The following PDCD1 variants were observed in gnomAD, a reference collection of about 807,000 sequenced individuals.
The protein encoded by PDCD1 is programmed cell death protein 1.
In PDCD1, 10 loss-of-function variants were observed where a neutral mutation model predicts 23.6. The observed-to-expected ratio is 0.42, with a 90% CI of 0.26 to 0.72. The LOEUF (loss-of-function observed/expected upper bound fraction) is 0.72. PDCD1 is among the 30% of genes least tolerant of loss of function. The pLI, the probability that PDCD1 is intolerant of heterozygous loss-of-function variation, is 0.24. For synonymous variants in PDCD1, 168 were observed against 169.3 expected, an observed-to-expected ratio of 0.99 and a Z score of 0.06; for missense variants, 313 against 397.8, an observed-to-expected ratio of 0.79 and a Z score of 1.81.
In PDCD1 at chr2:241,853,848, C is replaced by T. The variant is rs974176596; in HGVS notation, c.77-868G>A. ...ATGCCACAGGGTTCCCCAAACATGG[C>T]GCCAGCCCCACACTGTCAGACCCAG... On this transcript the variant is annotated intron_variant, in intron 1 of 4. Coordinates refer to ENST00000334409, the MANE Select transcript of PDCD1 (RefSeq NM_005018.3). Among the ~76,000 whole-genome samples the T allele has an allele frequency of 3.3e-5, 5 of 152,368 alleles. No individual in the cohort carries two copies. The East Asian group carries it at 5.8e-4, about 18-fold the overall frequency.
chr2:241,852,924 T>C lies in PDCD1; in HGVS notation c.133A>G (p.Thr45Ala), dbSNP rs2124861435. 1.3e-6 allele frequency: 2 copies of C among 1,590,406 alleles called. No homozygotes were observed. Among genetic ancestry groups the C allele is most frequent in the African/African-American group, 1.3e-5 (1 of 74,804 alleles). Residue 45 changes from threonine (T) to alanine (A), a missense_variant, in exon 2 of 5, where the codon ACC (threonine) becomes GCC (alanine). Physicochemically the swap from Thr to Ala is moderately conservative, Grantham distance 58. Around this residue, in one of 3 missense-constraint regions of PDCD1, gnomAD observed 135 missense variants for 166.9 expected, o/e 0.81. Coordinates refer to ENST00000334409, the MANE Select transcript of PDCD1 (RefSeq NM_005018.3). ...GTGAAGGTGGCGTTGTCCCCTTCGG[T>C]CACCACGAGCAGGGCTGGGGAGAAG... Reference protein sequence around the residue: ...PTFSPALLVVTEGDNATFTCS... With the variant: ...PTFSPALLVVAEGDNATFTCS...
chr2:241,852,241 C>T lies in PDCD1; in HGVS notation c.549G>A (p.Leu183=), dbSNP rs1700919369. Residue 183 remains leucine, a synonymous_variant, in exon 3 of 5, where the codon CTG becomes CTA. Coordinates refer to ENST00000334409, the MANE Select transcript of PDCD1 (RefSeq NM_005018.3). ...VVGGLLGSLV[L]LVWVLAVICS... ...AGATGACGGCCAGGACCCAGACTAG[C>T]AGCACCAGGCTGCCCAGCAGGCCGC... The T allele has an allele frequency of 6.2e-7, 1 of 1,611,044 alleles. No individual in the cohort carries two copies. The highest frequency in any genetic ancestry group is 1.3e-5 in the African/African-American group (1 of 74,862).
intron 4 of PDCD1, 104 bp from the exon 5 acceptor site, chr2:241,851,401 C>G: frequency 8.3e-7 from 1 of 1,203,706 alleles, no homozygotes; most frequent in Non-Finnish European, 1.2e-6. Flanking sequence ...CCTGGGCCCC[C>G]CACTATGAGC....
rs1430919257 is a variant in PDCD1, at chr2:241,851,271, C to T, written c.654G>A (p.Val218=). The T allele has an allele frequency of 1.2e-6, 2 of 1,613,204 alleles. No individual in the cohort carries two copies. Among genetic ancestry groups the T allele is most frequent in the Admixed American group, 3.3e-5 (2 of 59,980 alleles). The change falls in exon 5 of 5, where the codon GTG becomes GTA. Residue 218 remains valine (V), a synonymous_variant. Coordinates refer to ENST00000334409, the MANE Select transcript of PDCD1 (RefSeq NM_005018.3). The part of the protein sequence containing the change: ...PLKEDPSAVP[V]FSVDYGELDF... ...CCAGCTCCCCATAGTCCACAGAGAA[C>T]ACAGGCACGGCTGAGGGGTCCTCCT...
At chr2:241,854,911 T>A (rs7565639) in intron 1 of PDCD1, among the ~76,000 whole-genome samples, 4 of 152,250 alleles carry the variant, frequency 2.6e-5, no homozygotes, top group Admixed American at 2.6e-4. Context: ...ATGGCCGCTG[T>A]GTGTCCACAC....
Position 241,851,102 on chromosome 2 carries a change from G to A in PDCD1, c.823C>T (p.Gln275Ter). The A allele has an allele frequency of 6.2e-7, 1 of 1,613,114 alleles. No individual in the cohort carries two copies. The highest frequency in any genetic ancestry group is 8.5e-7 in the Non-Finnish European group (1 of 1,179,892). ...TGTCCATCCTCAGGCCTCAGTGGCT[G>A]GGCACTCCGAGGGCCGTCAGCTGAG... ...RGSADGPRSA[Q>*]PLRPEDGHCS... Residue 275 changes from glutamine to a stop codon, truncating the protein, a stop_gained, in exon 5 of 5, where the codon CAG (glutamine) becomes TAG (stop). Transcript: ENST00000334409. LOFTEE classifies it high-confidence loss of function.
rs6605260 is a variant in PDCD1, at chr2:241,850,596, G to A, written c.*462C>T. On this transcript the variant is annotated 3_prime_UTR_variant, in exon 5 of 5. Transcript: ENST00000334409. ...CCCAGTCTTGGGCCCTGCGTCCAGG[G>A]CGTTTCGGGATGCCACTGCCAGGGG... 0.013 allele frequency: 5,840 copies of A among 433,566 alleles called. 304 individuals are homozygous for A. The highest frequency in any genetic ancestry group is 0.11 in the African/African-American group (5,357 of 50,842). 26.9% of individuals were successfully genotyped at this position (433,566 alleles called of 1,614,324 possible).
Position 241,850,419 on chromosome 2 carries a change from G to A in PDCD1, c.*639C>T. The A allele has an allele frequency of 4.1e-6, 1 of 242,550 alleles. No homozygotes were observed. Among genetic ancestry groups the A allele is most frequent in the Admixed American group, 5.3e-5 (1 of 19,014 alleles). The allele number at this position is 242,550 out of a possible 1,614,324, so 15.0% of individuals were successfully genotyped here. On this transcript the variant is annotated 3_prime_UTR_variant, in exon 5 of 5. Transcript: ENST00000334409. Reference sequence around the variant, plus strand: ...TTCCCTGCCCCACAAAGGGCCTGAGGTGCTGCCTGGGCATGTGTAAAGGTG... The same window carrying A: ...TTCCCTGCCCCACAAAGGGCCTGAGATGCTGCCTGGGCATGTGTAAAGGTG...
chr2:241,853,960 G>A (rs772899350), intron 1 of PDCD1, among the ~76,000 whole-genome samples: 2 of 152,358 alleles, frequency 1.3e-5, no homozygotes, highest in South Asian at 2.1e-4. Context: ...CCACAGCTGC[G>A]GTCCCTCTGC....
intron 4 of PDCD1, 79 bp downstream of exon 4, chr2:241,851,870 G>GGTCC: frequency 7.4e-7 from 1 of 1,343,286 alleles, no homozygotes; most frequent in Non-Finnish European, 1.1e-6. Flanking sequence ...CAGGCCGTGT[G>GGTCC]GTCCCAGCCT....
At position 241,858,694 on chromosome 2, in the gene PDCD1, C is replaced by A. The variant is rs1701076107; in HGVS notation, c.76+69G>T. On this transcript the variant is annotated intron_variant, in intron 1 of 4. Coordinates refer to ENST00000334409, the MANE Select transcript of PDCD1 (RefSeq NM_005018.3). ...CCCGCCTCAGCACCCCCCGACCTGC[C>A]AGGGACTGAGGGTGGAAGGTCCCTC... 3.6e-6 allele frequency: 5 copies of A among 1,376,880 alleles called. No homozygotes were observed. The South Asian group carries it at 6.2e-5, about 17-fold the overall frequency. 85.3% of individuals were successfully genotyped at this position (1,376,880 alleles called of 1,614,324 possible).
At position 241,852,760 on chromosome 2, in the gene PDCD1, T is replaced by C. The variant is rs1700931568; in HGVS notation, c.297A>G (p.Gln99=). The change falls in exon 2 of 5, where the codon CAA becomes CAG. Residue 99 remains glutamine (Q), a synonymous_variant. Transcript: ENST00000334409. Reference sequence around the variant, plus strand: ...TGTGGAAGTCACGCCCGTTGGGCAGTTGTGTGACACGGAAGCGGCAGTCCT... The same window carrying C: ...TGTGGAAGTCACGCCCGTTGGGCAGCTGTGTGACACGGAAGCGGCAGTCCT... The part of the protein sequence containing the change: ...PGQDCRFRVT[Q]LPNGRDFHMS... The C allele has an allele frequency of 1.2e-6, 2 of 1,614,012 alleles. No individual in the cohort carries two copies. The highest frequency in any genetic ancestry group is 2.2e-5 in the East Asian group (1 of 44,886).
At position 241,852,877 on chromosome 2, in the gene PDCD1, C is replaced by T. The variant is rs181904226; in HGVS notation, c.180G>A (p.Ser60=). Residue 60 remains serine (S), a synonymous_variant, in exon 2 of 5, where the codon TCG becomes TCA. Coordinates refer to ENST00000334409, the MANE Select transcript of PDCD1 (RefSeq NM_005018.3). ...GGTACCAGTTTAGCACGAAGCTCTC[C>T]GATGTGTTGGAGAAGCTGCAGGTGA... is the stretch of plus-strand genomic sequence containing the variant. ...ATFTCSFSNT[S]ESFVLNWYRM... 233 of 1,603,068 alleles carry T rather than the reference C, an allele frequency of 1.5e-4. No homozygotes were observed. The highest frequency in any genetic ancestry group is 1.8e-4 in the Non-Finnish European group (215 of 1,179,824).
intron 2 of PDCD1, 80 bp from the exon 3 acceptor site, chr2:241,852,433 G>A: frequency 8.8e-7 from 1 of 1,142,420 alleles, no homozygotes; most frequent in Non-Finnish European, 1.3e-6. Context: ...GACTAGAGGG[G>A]CTGGGGTGCT....
In PDCD1 at chr2:241,853,860, A is replaced by G. The variant is rs549054335; in HGVS notation, c.77-880T>C. Among the ~76,000 whole-genome samples the G allele has an allele frequency of 3.3e-5, 5 of 152,322 alleles. No homozygotes were observed. The East Asian group carries it at 9.6e-4, about 29-fold the overall frequency. The stretch of plus-strand genomic sequence containing the variant: ...TCCCCAAACATGGCGCCAGCCCCAC[A>G]CTGTCAGACCCAGTGCACTGTCACT... On this transcript the variant is annotated intron_variant, in intron 1 of 4. Coordinates refer to ENST00000334409, the MANE Select transcript of PDCD1 (RefSeq NM_005018.3).
intron 1 of PDCD1, among the ~76,000 whole-genome samples, chr2:241,856,966 C>T (rs534875939): frequency 3.0e-4 from 46 of 152,350 alleles, no homozygotes; most frequent in African/African-American, 7.9e-4. Context: ...CAAGTCCTGT[C>T]GAAGGCCCAG....
At chr2:241,858,580 G>A (rs892936506) in intron 1 of PDCD1, among the ~76,000 whole-genome samples, 183 bp downstream of exon 1, 2 of 152,124 alleles carry the variant, frequency 1.3e-5, no homozygotes, top group Admixed American at 6.5e-5. Context: ...GGCTGGGCCT[G>A]CCACAGCACC....
chr2:241,852,206 G>T lies in PDCD1; in HGVS notation c.584C>A (p.Ala195Asp). The change falls in exon 3 of 5, where the codon GCC becomes GAC. Residue 195 changes from alanine (A) to aspartate (D), a missense_variant. By Grantham distance (126) the Ala-to-Asp change is moderately radical. Transcript: ENST00000334409. ...GGCTGGGATGACGTTACCTCGTGCG[G>T]CCCGGGAGCAGATGACGGCCAGGAC... ...VWVLAVICSR[A>D]ARGTIGARRT... The T allele has an allele frequency of 6.2e-7, 1 of 1,609,378 alleles. No homozygotes were observed. The highest frequency in any genetic ancestry group is 8.5e-7 in the Non-Finnish European group (1 of 1,178,998).
At chr2:241,857,297 A>C (rs1701046988) in intron 1 of PDCD1, among the ~76,000 whole-genome samples, 1 of 152,202 alleles carries the variant, frequency 6.6e-6, no homozygotes. Flanking sequence ...TGCTGTTACC[A>C]GTGGGGAAAC....
Sources: gnomAD v4.1 joint callset for allele counts (sites outside exome capture counted in the v4.1 genomes callset) on GRCh38, gnomAD v4.1.1 for gene constraint, gnomAD v4.1.1 regional missense constraint, MANE v1.5 for transcripts, NCBI Gene and HGNC (gene_info 2026-07-23, HGNC 2026-07-21) for gene names.